Variants in DRC7 observed in about 807,000 individuals in gnomAD.
The protein encoded by DRC7 is coiled-coil domain containing 135.
Under a neutral mutation model 104.4 loss-of-function variants are expected in DRC7, and 80 were observed. The observed-to-expected ratio is 0.77, with a 90% CI of 0.64 to 0.92. The LOEUF (loss-of-function observed/expected upper bound fraction) is 0.92, where lower values mean the gene tolerates loss of function less well. Ranked by LOEUF, DRC7 falls within the 40% of genes least tolerant of loss-of-function variation. The pLI, the probability that DRC7 is intolerant of heterozygous loss-of-function variation, is 0.00. For missense variants in DRC7, 1,034 were observed against 1,141.1 expected, an observed-to-expected ratio of 0.91 and a Z score of 1.35; for synonymous variants, 405 against 447.3, an observed-to-expected ratio of 0.91 and a Z score of 1.19.
intron 11 of DRC7, 32 bp downstream of exon 11, chr16:57,722,873 G>T: frequency 6.2e-7 from 1 of 1,613,178 alleles, no homozygotes; most frequent in Non-Finnish European, 8.5e-7. Context: ...ATGGGTCCAG[G>T]CCAGCCCAGG....
At chr16:57,717,427 G>A (rs188305162) in intron 8 of DRC7, among the ~76,000 whole-genome samples, 2 of 150,002 alleles carry the variant, frequency 1.3e-5, no homozygotes, top group Non-Finnish European at 1.5e-5. Flanking sequence ...GGCCAGGCAC[G>A]GTGCCTCATG....
chr16:57,725,261 G>A (rs1342589672), intron 13 of DRC7, among the ~76,000 whole-genome samples: 2 of 152,120 alleles, frequency 1.3e-5, no homozygotes, highest in African/African-American at 4.8e-5. Flanking sequence ...TCAGATCGTG[G>A]GAGAACTCAC....
At chr16:57,726,529 C>A in intron 14 of DRC7, 1 of 570,096 alleles carries the variant, frequency 1.8e-6, no homozygotes, top group South Asian at 2.1e-5. Flanking sequence ...CAGTCCTGGT[C>A]AGGGCAAACC....
chr16:57,698,919 G>A lies in DRC7; in HGVS notation c.273G>A (p.Glu91=), dbSNP rs2048626927. 1 of 1,614,030 alleles carries A rather than the reference G, an allele frequency of 6.2e-7. No homozygotes were observed. Among genetic ancestry groups the A allele is most frequent in the South Asian group, 1.1e-5 (1 of 91,080 alleles). ...CCTACAAAACCAACACACCCAAGGA[G>A]GAACACCTGCTGCAGGTGGCAGACA... is the stretch of plus-strand genomic sequence containing the variant. ...PISYKTNTPK[E]EHLLQVADNF... Residue 91 remains glutamate (E), a synonymous_variant, in exon 4 of 19, where the codon GAG becomes GAA. Coordinates refer to ENST00000360716, the MANE Select transcript of DRC7 (RefSeq NM_001289162.2).
intron 4 of DRC7, 47 bp downstream of exon 4, chr16:57,699,071 G>C (rs111932726): frequency 1.6e-5 from 25 of 1,596,580 alleles, no homozygotes; most frequent in Middle Eastern, 3.3e-4. Context: ...TGGGGCTGGA[G>C]AGCAGAGGGC....
intron 8 of DRC7, chr16:57,715,051 T>C (rs2048827769): frequency 5.3e-6 from 1 of 189,208 alleles, no homozygotes; most frequent in Admixed American, 6.3e-5. Flanking sequence ...CACACTTTTA[T>C]TTTATTTTAT....
In DRC7 at chr16:57,724,556, C is replaced by T. The variant is rs1255850540; in HGVS notation, c.1538-59C>T. The T allele has an allele frequency of 4.6e-6, 6 of 1,306,826 alleles. No homozygotes were observed. The African/African-American group carries it at 7.3e-5, about 16-fold the overall frequency. 81.0% of individuals were successfully genotyped at this position (1,306,826 alleles called of 1,614,324 possible). ...GCCTGGGGTTGGGCGACCAAGCCAG[C>T]AGCCATACTTCCTAGTGCTTATGAA... On this transcript the variant is annotated intron_variant, in intron 12 of 18. Transcript: ENST00000360716.
intron 1 of DRC7, among the ~76,000 whole-genome samples, chr16:57,696,225 T>C (rs887819587): frequency 6.6e-6 from 1 of 151,946 alleles, no homozygotes. Flanking sequence ...GAAGCTGAGG[T>C]TTCTTATATA....
In DRC7 at chr16:57,724,698, C is replaced by A; in HGVS notation, c.1621C>A (p.Arg541=). The part of the protein sequence containing the change: ...ETARVDGLMK[R]EETPRTMTEY... Reference sequence around the variant, plus strand: ...GGCCCGTGTGGATGGCCTGATGAAGCGGGAGGAGACACCCAGGACAATGAC... The same window carrying A: ...GGCCCGTGTGGATGGCCTGATGAAGAGGGAGGAGACACCCAGGACAATGAC... Residue 541 remains arginine, a synonymous_variant, in exon 13 of 19, where the codon CGG becomes AGG. Coordinates refer to ENST00000360716, the MANE Select transcript of DRC7 (RefSeq NM_001289162.2). 6.2e-7 allele frequency: 1 copy of A among 1,613,834 alleles called. No homozygotes were observed. Among genetic ancestry groups the A allele is most frequent in the Non-Finnish European group, 8.5e-7 (1 of 1,179,960 alleles).
intron 17 of DRC7, among the ~76,000 whole-genome samples, chr16:57,729,886 ATGGGTGGATGAGTGAGTGAGTAGG>A (rs1485398635): frequency 1.1e-5 from 1 of 93,730 alleles, no homozygotes; most frequent in African/African-American, 4.2e-5. Flanking sequence ...GGATGAATGG[ATGGGTGGATGAGTGAGTGAGTAGG>A]TGGGTGGATG....
intron 4 of DRC7, among the ~76,000 whole-genome samples, chr16:57,699,447 C>A (rs543861609): frequency 9.9e-5 from 15 of 152,256 alleles, no homozygotes; most frequent in Middle Eastern, 3.4e-3. Context: ...CTGTTTCCCA[C>A]CCCCTGGATG....
At chr16:57,700,395 T>C (rs2048644968) in intron 5 of DRC7, 125 bp downstream of exon 5, 2 of 1,285,070 alleles carry the variant, frequency 1.6e-6, no homozygotes, top group African/African-American at 1.5e-5. Flanking sequence ...ATGCCTGTAA[T>C]CCCAGCATTT....
intron 17 of DRC7, among the ~76,000 whole-genome samples, chr16:57,730,305 GTGGA>G (rs369892624): frequency 0.099 from 11,607 of 117,828 alleles, 807 homozygotes; most frequent in Non-Finnish European, 0.11. Context: ...GGGTGGGTGG[GTGGA>G]TGGATGGATG....
At chr16:57,726,980 C>G in intron 15 of DRC7, 38 bp downstream of exon 15, 1 of 1,332,984 alleles carries the variant, frequency 7.5e-7, no homozygotes, top group East Asian at 2.3e-5. Flanking sequence ...TGGGCGGTAT[C>G]TTTGTTTTTG....
At chr16:57,715,780 C>T (rs1425546673) in intron 8 of DRC7, among the ~76,000 whole-genome samples, 2 of 152,200 alleles carry the variant, frequency 1.3e-5, no homozygotes, top group African/African-American at 2.4e-5. Context: ...TGGTCGGTGT[C>T]CTCTGAAGGA....
chr16:57,716,181 A>G (rs1033041676), intron 8 of DRC7, among the ~76,000 whole-genome samples: 24 of 152,242 alleles, frequency 1.6e-4, no homozygotes, highest in Non-Finnish European at 2.8e-4. Flanking sequence ...ACACTGGTTT[A>G]CAAAAGTAAC....
intron 9 of DRC7, among the ~76,000 whole-genome samples, chr16:57,718,793 G>T (rs1381145306): frequency 6.6e-6 from 1 of 152,112 alleles, no homozygotes; most frequent in Non-Finnish European, 1.5e-5. Flanking sequence ...TCCCTTGCCA[G>T]CCTGGGCAAC....
intron 8 of DRC7, among the ~76,000 whole-genome samples, chr16:57,717,029 G>A (rs564197274): frequency 6.6e-6 from 1 of 151,720 alleles, no homozygotes; most frequent in African/African-American, 2.4e-5. Flanking sequence ...GTGGTGGCGA[G>A]CACTTGTAGT....
At chr16:57,730,130 T>G (rs2049041568) in intron 17 of DRC7, among the ~76,000 whole-genome samples, 2 of 94,748 alleles carry the variant, frequency 2.1e-5, no homozygotes, top group Admixed American at 1.1e-4. Context: ...GATGGATGAG[T>G]GGGTGGGTGG....
Sources: allele counts gnomAD v4.1 joint callset (sites outside exome capture counted in the v4.1 genomes callset), GRCh38; gene constraint gnomAD v4.1.1; transcripts MANE v1.5; gene names NCBI Gene and HGNC (gene_info 2026-07-23, HGNC 2026-07-21).